HLCS: variants seen among roughly 807,000 people sequenced by gnomAD.
HLCS encodes holocarboxylase synthetase, also known as biotin--protein ligase.
A neutral mutation model predicts 75.0 loss-of-function variants in HLCS; 53 were observed. That is an observed-to-expected ratio of 0.71 (90% confidence interval 0.57 to 0.89). The LOEUF is 0.89. HLCS is among the 40% of genes least tolerant of loss of function. The probability of loss-of-function intolerance (pLI) is 0.00; values close to 1 mark genes in which losing one functional copy is unlikely to be tolerated. For missense variants in HLCS, 966 were observed against 1,074.0 expected (o/e 0.90, Z 1.41); for synonymous variants, 431 against 428.6 (o/e 1.01, Z -0.07).
chr21:36,926,573 T>C (rs919704705), intron 5 of HLCS, among the ~76,000 whole-genome samples: 8 of 152,136 alleles, frequency 5.3e-5, no homozygotes, highest in South Asian at 2.1e-4. Context: ...AATAACCAAT[T>C]TGGCTCATTA....
At chr21:36,773,500 C>T (rs1411910917) in intron 6 of HLCS, among the ~76,000 whole-genome samples, 1 of 152,256 alleles carries the variant, frequency 6.6e-6, no homozygotes, top group South Asian at 2.1e-4. Context: ...TGCCCTGCAG[C>T]AGTCTGGCAT....
At chr21:36,865,339 C>T (rs991571149) in intron 6 of HLCS, among the ~76,000 whole-genome samples, 3 of 151,920 alleles carry the variant, frequency 2.0e-5, no homozygotes, top group Non-Finnish European at 2.9e-5. Flanking sequence ...AACCTTGAAA[C>T]AGAAGCTCTG....
At chr21:36,885,182 G>T (rs936222942) in intron 6 of HLCS, among the ~76,000 whole-genome samples, 1 of 152,068 alleles carries the variant, frequency 6.6e-6, no homozygotes, top group South Asian at 2.1e-4. Flanking sequence ...AAAAACTGTC[G>T]AAATCTTCAA....
At chr21:36,965,460 C>G (rs919637251) in intron 1 of HLCS, among the ~76,000 whole-genome samples, 1 of 152,208 alleles carries the variant, frequency 6.6e-6, no homozygotes, top group South Asian at 2.1e-4. Flanking sequence ...AGGCAGCAGA[C>G]TTTTTACAGA....
intron 1 of HLCS, among the ~76,000 whole-genome samples, chr21:36,983,927 C>T (rs1249061547): frequency 1.3e-5 from 2 of 151,972 alleles, no homozygotes; most frequent in Non-Finnish European, 2.9e-5. Context: ...CCTCAAACTC[C>T]TGTGCTTAAC....
At chr21:36,882,948 T>C (rs1213177943) in intron 6 of HLCS, among the ~76,000 whole-genome samples, 3 of 152,160 alleles carry the variant, frequency 2.0e-5, no homozygotes, top group Non-Finnish European at 2.9e-5. Flanking sequence ...GGGAAAATCC[T>C]TCTCCGCCAG....
chr21:36,976,712 T>C (rs920392733), intron 1 of HLCS, among the ~76,000 whole-genome samples: 4 of 152,202 alleles, frequency 2.6e-5, no homozygotes, highest in African/African-American at 9.6e-5. Context: ...TATTTCTCTT[T>C]TGTAAGCCTA....
In HLCS at chr21:36,820,849, C is replaced by T. The variant is rs140123264; in HGVS notation, c.1893-53564G>A. On this transcript the variant is annotated intron_variant, in intron 6 of 10. Coordinates refer to ENST00000674895, the MANE Select transcript of HLCS (RefSeq NM_001352514.2). ...TGGGGCTGGATAGCTTTTGTCTTTT[C>T]GATGACCCCAAAAGCACGGAAAAAC... Among the ~76,000 whole-genome samples the T allele has an allele frequency of 9.1e-3, 1,381 of 152,284 alleles. 13 individuals carry two copies. The highest frequency in any genetic ancestry group is 0.031 in the African/African-American group (1,305 of 41,556).
intron 6 of HLCS, among the ~76,000 whole-genome samples, chr21:36,880,891 G>A (rs995102098): frequency 7.2e-5 from 11 of 152,202 alleles, no homozygotes; most frequent in South Asian, 2.1e-4. Flanking sequence ...AGTTCTTCAC[G>A]CCACTGTATC....
intron 6 of HLCS, among the ~76,000 whole-genome samples, chr21:36,803,469 G>A (rs1467327397): frequency 1.3e-5 from 2 of 152,230 alleles, no homozygotes; most frequent in African/African-American, 4.8e-5. Flanking sequence ...GACCTTGTGT[G>A]CAGAAGTTTA....
chr21:36,760,609 C>CAA (rs571481654), intron 8 of HLCS, among the ~76,000 whole-genome samples: 26 of 96,110 alleles, frequency 2.7e-4, no homozygotes, highest in Middle Eastern at 6.1e-3. Flanking sequence ...GACTCTGTCT[C>CAA]AAAAAAAAAA....
chr21:36,937,652 C>T (rs2066956474), intron 3 of HLCS, among the ~76,000 whole-genome samples: 2 of 152,206 alleles, frequency 1.3e-5, no homozygotes, highest in Admixed American at 1.3e-4. Flanking sequence ...CTAAGACCCT[C>T]TTACGGAATG....
intron 6 of HLCS, among the ~76,000 whole-genome samples, chr21:36,790,118 G>A (rs9977855): frequency 0.42 from 63,820 of 152,030 alleles, 14,373 homozygotes; most frequent in African/African-American, 0.58. Context: ...ATTAAAAACC[G>A]TTTTGGGCCT....
chr21:36,836,299 T>C (rs1052543089), intron 6 of HLCS, among the ~76,000 whole-genome samples: 4 of 151,820 alleles, frequency 2.6e-5, no homozygotes, highest in African/African-American at 9.7e-5. Context: ...ACCAGGACAG[T>C]GAAAATCCTG....
chr21:36,855,447 G>A (rs1031492305), intron 6 of HLCS, among the ~76,000 whole-genome samples: 1 of 151,168 alleles, frequency 6.6e-6, no homozygotes, highest in African/African-American at 2.4e-5. Context: ...CTGAGGCAGG[G>A]GAACTGCTTG....
intron 2 of HLCS, among the ~76,000 whole-genome samples, chr21:36,946,948 C>T (rs1201999875): frequency 2.0e-5 from 3 of 152,064 alleles, no homozygotes; most frequent in East Asian, 1.9e-4. Context: ...GGGGAAAGGA[C>T]GTCAGTTCAG....
chr21:36,777,992 A>G (rs1043781250), intron 6 of HLCS, among the ~76,000 whole-genome samples: 6 of 152,158 alleles, frequency 3.9e-5, no homozygotes, highest in Admixed American at 3.9e-4. Context: ...TTTTGGAGAC[A>G]CAGTCTCGCT....
chr21:36,773,013 T>C (rs1290927482), intron 6 of HLCS, among the ~76,000 whole-genome samples: 3 of 151,412 alleles, frequency 2.0e-5, no homozygotes, highest in Non-Finnish European at 2.9e-5. Context: ...AGTGTGGAAG[T>C]AGAATTATAT....
At chr21:36,956,513 G>A (rs1267121376) in intron 2 of HLCS, among the ~76,000 whole-genome samples, 2 of 152,162 alleles carry the variant, frequency 1.3e-5, no homozygotes, top group Non-Finnish European at 2.9e-5. Flanking sequence ...CAAATCACAA[G>A]GTCAGGAGAT....
Sources: allele counts gnomAD v4.1 joint callset (sites outside exome capture counted in the v4.1 genomes callset), GRCh38; gene constraint gnomAD v4.1.1; transcripts MANE v1.5; gene names NCBI Gene and HGNC (gene_info 2026-07-23, HGNC 2026-07-21).